SH3TC1: variants seen among roughly 807,000 people sequenced by gnomAD.
The protein encoded by SH3TC1 is SH3 domain and tetratricopeptide repeat-containing protein 1.
In SH3TC1, 135 loss-of-function variants were observed where a neutral mutation model predicts 117.3. The ratio of observed to expected loss-of-function variants is 1.15; its 90% CI spans 1.00 to 1.33. The LOEUF (loss-of-function observed/expected upper bound fraction) is 1.33. Ranked by LOEUF, SH3TC1 falls within the 40% of genes most tolerant of loss-of-function variation. The probability of loss-of-function intolerance (pLI) is 0.00; values close to 1 mark genes in which losing one functional copy is unlikely to be tolerated. For missense variants in SH3TC1, 2,092 were observed against 1,794.3 expected (o/e 1.17, Z -3.00); for synonymous variants, 898 against 816.9 (o/e 1.10, Z -1.69).
chr4:8,212,766 A>G lies in SH3TC1; in HGVS notation c.313A>G (p.Thr105Ala), dbSNP rs1286852495. ...SRLRDPGLQQ[T>A]LRGQLRLLEN... is the part of the protein sequence containing the mutation. ...ACTGCGGGACCCCGGCCTACAGCAG[A>G]CCCTCCGGGGCCAGCTCCGCCTGCT... Residue 105 changes from threonine (T) to alanine (A), a missense_variant, in exon 4 of 18, where the codon ACC (threonine) becomes GCC (alanine). Physicochemically the swap from Thr to Ala is moderately conservative, Grantham distance 58. Transcript: ENST00000245105. 4 of 1,611,964 alleles carry G rather than the reference A, an allele frequency of 2.5e-6. No individual in the cohort carries two copies. In the South Asian group the frequency reaches 4.4e-5, roughly 18 times the overall value.
intron 6 of SH3TC1, 68 bp downstream of exon 6, chr4:8,216,325 G>T: frequency 6.4e-7 from 1 of 1,563,034 alleles, no homozygotes; most frequent in Non-Finnish European, 8.7e-7. Flanking sequence ...TGGGGTGACA[G>T]CCTGGATCCC....
chr4:8,196,732 G>A (rs1254961371), upstream of SH3TC1, among the ~76,000 whole-genome samples: 4 of 152,124 alleles, frequency 2.6e-5, no homozygotes, highest in African/African-American at 4.8e-5. The surrounding 1 kb of genome is among the most constrained non-coding windows in gnomAD (Gnocchi z 4.6). Flanking sequence ...GAAGGAAGGT[G>A]GGAGATGGGG....
intron 4 of SH3TC1, among the ~76,000 whole-genome samples, chr4:8,214,242 G>A (rs1719011290): frequency 6.6e-6 from 1 of 152,082 alleles, no homozygotes; most frequent in African/African-American, 2.4e-5. Flanking sequence ...AGGGCATGGG[G>A]GCCACGTGAG....
At chr4:8,214,362 G>A (rs1578679669) in intron 4 of SH3TC1, 113 bp from the exon 5 acceptor site, 30 of 918,996 alleles carry the variant, frequency 3.3e-5, no homozygotes, top group Admixed American at 9.1e-5. Flanking sequence ...TGGGTGTGTC[G>A]TCCCCCGCCG....
chr4:8,239,489 C>G (rs1252335262), intron 17 of SH3TC1, among the ~76,000 whole-genome samples: 1 of 151,476 alleles, frequency 6.6e-6, no homozygotes, highest in African/African-American at 2.4e-5. Context: ...TAGGCACACA[C>G]AGGCACACGC....
intron 11 of SH3TC1, among the ~76,000 whole-genome samples, chr4:8,226,635 T>G (rs756378238): frequency 6.6e-5 from 10 of 152,228 alleles, no homozygotes; most frequent in Admixed American, 2.0e-4. Context: ...TGATTCTTTC[T>G]AAAGGGAAAG....
At chr4:8,201,161 C>T (rs965654744) in intron 1 of SH3TC1, among the ~76,000 whole-genome samples, 2 of 152,178 alleles carry the variant, frequency 1.3e-5, no homozygotes, top group Non-Finnish European at 2.9e-5. Flanking sequence ...AAAGCTTGGC[C>T]AAAGCTTCCC....
chr4:8,202,675 C>A (rs903592492), intron 1 of SH3TC1, among the ~76,000 whole-genome samples: 2 of 152,190 alleles, frequency 1.3e-5, no homozygotes, highest in Non-Finnish European at 2.9e-5. Flanking sequence ...CCTCTGCAAG[C>A]CTTGCTGGCC....
At chr4:8,231,625 C>T (rs1560110352) in intron 12 of SH3TC1, 1 of 277,882 alleles carries the variant, frequency 3.6e-6, no homozygotes, top group East Asian at 7.0e-5. Flanking sequence ...TTTGCTCCCC[C>T]AGGGTTCCAT....
intron 4 of SH3TC1, among the ~76,000 whole-genome samples, chr4:8,213,419 C>T (rs935131373): frequency 6.6e-6 from 1 of 152,282 alleles, no homozygotes; most frequent in Admixed American, 6.5e-5. Flanking sequence ...ATTACGTCCC[C>T]GGGAGCTGAC....
intron 4 of SH3TC1, among the ~76,000 whole-genome samples, chr4:8,213,796 G>A (rs1265418150): frequency 1.3e-5 from 2 of 151,792 alleles, no homozygotes; most frequent in African/African-American, 4.8e-5. Context: ...TAAAATGGGT[G>A]GATTATCTGA....
chr4:8,219,388 A>G lies in SH3TC1; in HGVS notation c.970A>G (p.Met324Val), dbSNP rs770410282. 3 of 1,609,426 alleles carry G rather than the reference A, an allele frequency of 1.9e-6. No homozygotes were observed. The Admixed American group carries it at 5.0e-5, about 27-fold the overall frequency. The change falls in exon 9 of 18, where the codon ATG becomes GTG. Residue 324 changes from methionine to valine, a missense_variant. Met to Val is a conservative substitution (Grantham distance 21). Transcript: ENST00000245105. ...CTTCCAGGGCTCGGGGCCCGAAGAG[A>G]TGACCTTCCGAGGTGGCGACCTCAT... is the stretch of plus-strand genomic sequence containing the variant. ...ADFQGSGPEEMTFRGGDLIEI... is the reference protein window; with the variant it reads ...ADFQGSGPEEVTFRGGDLIEI...
intron 1 of SH3TC1, among the ~76,000 whole-genome samples, chr4:8,202,869 G>A (rs1229197322): frequency 6.6e-6 from 1 of 152,228 alleles, no homozygotes; most frequent in African/African-American, 2.4e-5. Flanking sequence ...CTCCCTCTGT[G>A]TGGGAGGTGG....
Position 8,225,316 on chromosome 4 carries a change from C to T in SH3TC1, c.1285+100C>T, listed in dbSNP as rs1022543246. 29 of 1,338,184 alleles carry T rather than the reference C, an allele frequency of 2.2e-5. No homozygotes were observed. Among genetic ancestry groups the T allele is most frequent in the African/African-American group, 2.0e-4 (14 of 69,136 alleles). 82.9% of individuals were successfully genotyped at this position (1,338,184 alleles called of 1,614,324 possible). ...AGCTGAGCACGGTGGGCATTGGGTG[C>T]GGCTGTCACCCCTCTGTGGTGTGGG... On this transcript the variant is annotated intron_variant, in intron 11 of 17. Transcript: ENST00000245105. This position sits in a 1 kb window ranked among gnomAD's most constrained non-coding sequence, Gnocchi z 5.5.
In SH3TC1 at chr4:8,227,216, G is replaced by A. The variant is rs34994651; in HGVS notation, c.1522G>A (p.Ala508Thr). 107,966 of 1,561,412 alleles carry A rather than the reference G, an allele frequency of 0.069. 4,421 individuals carry two copies. Among genetic ancestry groups the A allele is most frequent in the Non-Finnish European group, 0.078 (89,918 of 1,150,262 alleles). The change falls in exon 12 of 18, where the codon GCC becomes ACC. Residue 508 changes from alanine (A) to threonine (T), a missense_variant. Physicochemically the swap from Ala to Thr is moderately conservative, Grantham distance 58 (BLOSUM62 0). Coordinates refer to ENST00000245105, the MANE Select transcript of SH3TC1 (RefSeq NM_018986.5). ...GAGCTCACTGCTGCTGTTCCTGAAC[G>A]CCCCTGGGTACAAGGCCAGCTTCCG... ...ALSSLLLFLNAPGYKASFRGL... is the reference protein window; with the variant it reads ...ALSSLLLFLNTPGYKASFRGL...
chr4:8,232,105 G>T lies in SH3TC1; in HGVS notation c.3080G>T (p.Gly1027Val). ...ACKVADKVLEGQLLETISQLY... is the reference protein window; with the variant it reads ...ACKVADKVLEVQLLETISQLY... ...AAGGTGGCCGACAAGGTGCTGGAGG[G>T]GCAGCTCCTGGAGACCATCAGCCAG... Residue 1027 changes from glycine to valine, a missense_variant, in exon 13 of 18, where the codon GGG becomes GTG. Gly to Val is a moderately radical substitution (Grantham distance 109). Coordinates refer to ENST00000245105, the MANE Select transcript of SH3TC1 (RefSeq NM_018986.5). 6.2e-7 allele frequency: 1 copy of T among 1,609,742 alleles called. No individual in the cohort carries two copies.
At position 8,225,505 on chromosome 4, in the gene SH3TC1, G is replaced by A. The variant is rs1158754057; in HGVS notation, c.1285+289G>A. Reference sequence around the variant, plus strand: ...CCACTGCTTGGGTCCACTTGTAGCTGTGGGTTCCTTTCTCATGACCTGGAG... The same window carrying A: ...CCACTGCTTGGGTCCACTTGTAGCTATGGGTTCCTTTCTCATGACCTGGAG... On this transcript the variant is annotated intron_variant, in intron 11 of 17. Coordinates refer to ENST00000245105, the MANE Select transcript of SH3TC1 (RefSeq NM_018986.5). The surrounding 1 kb of genome is among the most constrained non-coding windows in gnomAD (Gnocchi z 5.5). Among the ~76,000 whole-genome samples the A allele has an allele frequency of 6.6e-6, 1 of 152,164 alleles. No homozygotes were observed. The highest frequency in any genetic ancestry group is 1.5e-5 in the Non-Finnish European group (1 of 68,022).
At position 8,227,737 on chromosome 4, in the gene SH3TC1, C is replaced by T. The variant is rs1554137083; in HGVS notation, c.2043C>T (p.Pro681=). The T allele has an allele frequency of 1.3e-5, 21 of 1,602,508 alleles. No individual in the cohort carries two copies. The highest frequency in any genetic ancestry group is 6.7e-5 in the East Asian group (3 of 44,716). ...LARHHVHLKQ[P]EEALPFLERL... The stretch of plus-strand genomic sequence containing the variant: ...GGCACCACGTGCACCTCAAGCAGCC[C>T]GAGGAGGCCCTGCCCTTCCTAGAGC... The change falls in exon 12 of 18, where the codon CCC becomes CCT. Residue 681 remains proline (P), a synonymous_variant. Transcript: ENST00000245105.
rs765326749 is a variant in SH3TC1, at chr4:8,227,085, C to T, written c.1391C>T (p.Ala464Val). Reference sequence around the variant, plus strand: ...TGCCCAGGCTGCCCCCAGGAGCCAGCGTCCTGGGGTCTCTGTGCGGCATCC... The same window carrying T: ...TGCCCAGGCTGCCCCCAGGAGCCAGTGTCCTGGGGTCTCTGTGCGGCATCC... Reference protein sequence around the residue: ...KTCPGCPQEPASWGLCAASSD... With the variant: ...KTCPGCPQEPVSWGLCAASSD... The change falls in exon 12 of 18, where the codon GCG becomes GTG. Residue 464 changes from alanine (A) to valine (V), a missense_variant. By Grantham distance (64) the Ala-to-Val change is moderately conservative. Transcript: ENST00000245105. 1.7e-5 allele frequency: 27 copies of T among 1,610,656 alleles called. No homozygotes were observed. Among genetic ancestry groups the T allele is most frequent in the Admixed American group, 5.0e-5 (3 of 59,552 alleles).
Sources: allele counts gnomAD v4.1 joint callset (sites outside exome capture counted in the v4.1 genomes callset), GRCh38; gene constraint gnomAD v4.1.1; non-coding constraint Gnocchi (gnomAD v3.1); transcripts MANE v1.5; gene names NCBI Gene and HGNC (gene_info 2026-07-23, HGNC 2026-07-21).